The following MAPK14 variants were observed in gnomAD, a reference collection of about 807,000 sequenced individuals.
MAPK14 encodes the protein mitogen-activated protein kinase 14.
Under a neutral mutation model 49.6 loss-of-function variants are expected in MAPK14, and 16 were observed. That is an observed-to-expected ratio of 0.32 (90% CI 0.22 to 0.49). The LOEUF (loss-of-function observed/expected upper bound fraction) is 0.49. Ranked by LOEUF, MAPK14 falls within the 20% of genes least tolerant of loss-of-function variation. The probability of loss-of-function intolerance (pLI) is 0.99; values close to 1 mark genes in which losing one functional copy is unlikely to be tolerated. For synonymous variants in MAPK14, 142 were observed against 158.0 expected (o/e 0.90, Z 0.76); for missense variants, 200 against 441.2 (o/e 0.45, Z 4.90).
At chr6:36,069,326 A>G (rs75862293) in intron 3 of MAPK14, among the ~76,000 whole-genome samples, 11 of 152,290 alleles carry the variant, frequency 7.2e-5, no homozygotes, top group African/African-American at 2.2e-4. Flanking sequence ...TCCATAAACA[A>G]TCAGCAACTT....
chr6:36,077,241 C>A (rs2127446729), intron 8 of MAPK14, among the ~76,000 whole-genome samples: 1 of 152,248 alleles, frequency 6.6e-6, no homozygotes, highest in South Asian at 2.1e-4. Context: ...CCTTTCCTAT[C>A]TGCGGTATGC....
chr6:36,039,179 T>C (rs1012502283), intron 1 of MAPK14, among the ~76,000 whole-genome samples: 1 of 152,224 alleles, frequency 6.6e-6, no homozygotes, highest in Non-Finnish European at 1.5e-5. Context: ...TCCCTGCCTT[T>C]ACAGATGTAA....
At chr6:36,074,652 G>T (rs1764446534) in intron 6 of MAPK14, among the ~76,000 whole-genome samples, 1 of 151,390 alleles carries the variant, frequency 6.6e-6, no homozygotes, top group Non-Finnish European at 1.5e-5. Context: ...GTCTCACTCT[G>T]TTGCCCAGTC....
chr6:36,078,068 A>G (rs1472115894), intron 8 of MAPK14, among the ~76,000 whole-genome samples: 2 of 152,202 alleles, frequency 1.3e-5, no homozygotes, highest in Non-Finnish European at 2.9e-5. Context: ...ACAAGGTGGC[A>G]GAGAGGGAAA....
intron 8 of MAPK14, among the ~76,000 whole-genome samples, chr6:36,078,289 G>A (rs1562132564): frequency 6.6e-6 from 1 of 152,166 alleles, no homozygotes; most frequent in Non-Finnish European, 1.5e-5. Context: ...GTACTGAGAC[G>A]AGCCTGCCAG....
At chr6:36,068,094 G>A (rs974926047) in intron 3 of MAPK14, among the ~76,000 whole-genome samples, 1 of 152,080 alleles carries the variant, frequency 6.6e-6, no homozygotes, top group Admixed American at 6.6e-5. Flanking sequence ...ATTTTAAATG[G>A]ATAGGCCTTA....
intron 8 of MAPK14, among the ~76,000 whole-genome samples, chr6:36,094,863 G>A (rs1224384766): frequency 6.6e-6 from 1 of 152,110 alleles, no homozygotes; most frequent in African/African-American, 2.4e-5. Flanking sequence ...GAATTGGGGG[G>A]TGGGGTGTTA....
chr6:36,032,327 G>C (rs983785141), intron 1 of MAPK14, among the ~76,000 whole-genome samples: 2 of 152,142 alleles, frequency 1.3e-5, no homozygotes, highest in Non-Finnish European at 2.9e-5. Flanking sequence ...ATGCCTTTCC[G>C]TTAAAGGGTA....
chr6:36,101,142 T>A (rs1402581027), intron 9 of MAPK14, among the ~76,000 whole-genome samples: 1 of 152,146 alleles, frequency 6.6e-6, no homozygotes, highest in East Asian at 1.9e-4. Context: ...CCACATGCAA[T>A]AATTAAGAAG....
chr6:36,028,791 C>CTTTTTTT lies in MAPK14; in HGVS notation c.116+533_116+539dup, dbSNP rs111234964. ...ACCAGGAAGGGAGCTCTCTCCGGGC[C>CTTTTTTT]TTTTTTTTTTTTTTTTTTTTTCAAA... is the stretch of plus-strand genomic sequence containing the variant. On this transcript the variant is annotated intron_variant, in intron 1 of 11. Transcript: ENST00000229794. This position sits in a 1 kb window ranked among gnomAD's most constrained non-coding sequence, Gnocchi z 5.1. Among the ~76,000 whole-genome samples, 57 of 100,378 alleles carry CTTTTTTT rather than the reference C, an allele frequency of 5.7e-4. No individual in the cohort carries two copies. Among genetic ancestry groups the CTTTTTTT allele is most frequent in the South Asian group, 2.5e-3 (7 of 2,856 alleles). The allele number at this position is 100,378 out of a possible 152,430, so 65.9% of individuals were successfully genotyped here.
intron 9 of MAPK14, chr6:36,100,118 T>C: frequency 8.5e-7 from 1 of 1,179,298 alleles, no homozygotes; most frequent in Non-Finnish European, 1.3e-6. Flanking sequence ...TTTTGACCTT[T>C]TTAAAAACTT....
the MAPK14 span, among the ~76,000 whole-genome samples, chr6:36,119,764 A>G: frequency 2.6e-5 from 4 of 151,920 alleles, no homozygotes; most frequent in Non-Finnish European, 5.9e-5. Flanking sequence ...GACGCACAGG[A>G]CGGCCCCCAC....
At chr6:36,087,101 C>G (rs1247620992) in intron 8 of MAPK14, among the ~76,000 whole-genome samples, 1 of 152,182 alleles carries the variant, frequency 6.6e-6, no homozygotes, top group Non-Finnish European at 1.5e-5. Context: ...AACATCCCTT[C>G]ATGTTAAAAA....
At chr6:36,086,324 T>C (rs1174515749) in intron 8 of MAPK14, among the ~76,000 whole-genome samples, 3 of 151,724 alleles carry the variant, frequency 2.0e-5, no homozygotes, top group Non-Finnish European at 2.9e-5. Flanking sequence ...CTGAAGGAGA[T>C]AGAGACAGGA....
At chr6:36,115,197 AG>A (rs1456170563), downstream of MAPK14, among the ~76,000 whole-genome samples, 16 of 152,170 alleles carry the variant, frequency 1.1e-4, no homozygotes, top group South Asian at 2.7e-3. Context: ...AGTTATTATA[AG>A]TTAAATAAGG....
chr6:36,066,217 A>G (rs1296208514), intron 3 of MAPK14, among the ~76,000 whole-genome samples: 1 of 152,190 alleles, frequency 6.6e-6, no homozygotes, highest in Non-Finnish European at 1.5e-5. Context: ...ATAATATCAC[A>G]TACAAAATTG....
At chr6:36,114,745 T>TA (rs528855842), downstream of MAPK14, among the ~76,000 whole-genome samples, 50 of 151,210 alleles carry the variant, frequency 3.3e-4, no homozygotes, top group South Asian at 6.3e-4. Context: ...TTTCATTTCT[T>TA]AAAAAAAAAC....
intron 1 of MAPK14, among the ~76,000 whole-genome samples, chr6:36,047,609 G>C (rs937140904): frequency 6.6e-6 from 1 of 152,162 alleles, no homozygotes; most frequent in African/African-American, 2.4e-5. Context: ...TATCTTCCAG[G>C]CTAGAGTGCA....
intron 1 of MAPK14, among the ~76,000 whole-genome samples, chr6:36,038,027 A>G (rs977693681): frequency 4.6e-5 from 7 of 152,004 alleles, no homozygotes; most frequent in South Asian, 4.2e-4. Context: ...AAAAAAAAGG[A>G]AGCTATATTC....
Sources: gnomAD v4.1 joint callset for allele counts (sites outside exome capture counted in the v4.1 genomes callset) on GRCh38, gnomAD v4.1.1 for gene constraint, Gnocchi (gnomAD v3.1) non-coding constraint, MANE v1.5 for transcripts, NCBI Gene and HGNC (gene_info 2026-07-23, HGNC 2026-07-21) for gene names.